Variants in GABBR2 observed in about 807,000 individuals in gnomAD.
GABBR2 encodes G-protein coupled receptor 51.
GABBR2 carries 23 observed loss-of-function variants against 105.6 expected under a neutral mutation model. The ratio of observed to expected loss-of-function variants is 0.22; its 90% CI spans 0.16 to 0.31. GABBR2 has a LOEUF of 0.31. Ranked by LOEUF, GABBR2 falls within the 10% of genes least tolerant of loss-of-function variation. The probability of loss-of-function intolerance (pLI) is 1.00; values close to 1 mark genes in which losing one functional copy is unlikely to be tolerated. For synonymous variants in GABBR2, 478 were observed against 499.7 expected (o/e 0.96, Z 0.58); for missense variants, 734 against 1,245.5 (o/e 0.59, Z 6.18).
chr9:98,410,099 A>G (rs973688446), intron 7 of GABBR2, among the ~76,000 whole-genome samples: 1 of 150,500 alleles, frequency 6.6e-6, no homozygotes, highest in African/African-American at 2.5e-5. Context: ...TTCAATTCCT[A>G]ACACCCCAGC....
At chr9:98,394,291 G>A in intron 8 of GABBR2, 36 bp from the exon 9 acceptor site, 1 of 1,492,146 alleles carries the variant, frequency 6.7e-7, no homozygotes, top group Non-Finnish European at 9.4e-7. Context: ...AGTTAGACTG[G>A]GATCTGGGTT....
At chr9:98,586,318 TAGAC>T (rs1409334093) in intron 1 of GABBR2, among the ~76,000 whole-genome samples, 3 of 150,796 alleles carry the variant, frequency 2.0e-5, no homozygotes, top group Non-Finnish European at 3.0e-5. Context: ...TTTGTTTTTT[TAGAC>T]AGACTCTCAG....
chr9:98,653,863 T>C (rs59218784), intron 1 of GABBR2, among the ~76,000 whole-genome samples: 2,161 of 152,288 alleles, frequency 0.014, 65 homozygotes, highest in African/African-American at 0.048. Context: ...AGTGGATGCA[T>C]GTAGTATGCC....
chr9:98,526,338 CA>C (rs1230287480), intron 3 of GABBR2, among the ~76,000 whole-genome samples: 1 of 152,172 alleles, frequency 6.6e-6, no homozygotes, highest in Non-Finnish European at 1.5e-5. Flanking sequence ...GCCTTCCTGA[CA>C]TTGCTCCAGC....
intron 3 of GABBR2, among the ~76,000 whole-genome samples, chr9:98,522,415 C>A (rs1282114960): frequency 6.6e-6 from 1 of 152,084 alleles, no homozygotes; most frequent in African/African-American, 2.4e-5. Context: ...AAACAAAAAT[C>A]AGCTATGTGC....
In GABBR2 at chr9:98,434,999, G is replaced by T. The variant is rs78487424; in HGVS notation, c.1236+18982C>A. Among the ~76,000 whole-genome samples the T allele has an allele frequency of 6.8e-4, 103 of 152,210 alleles. No individual in the cohort carries two copies. In the East Asian group the frequency reaches 0.016, roughly 24 times the overall value. On this transcript the variant is annotated intron_variant, in intron 7 of 18. Coordinates refer to ENST00000259455, the MANE Select transcript of GABBR2 (RefSeq NM_005458.8). ...TCATGTGTAGACCTAGGCTGGAGTG[G>T]GTTCTGCCCATTGGTATCATGTTTG...
intron 3 of GABBR2, among the ~76,000 whole-genome samples, chr9:98,536,745 C>T (rs980994175): frequency 1.3e-5 from 2 of 152,160 alleles, no homozygotes; most frequent in Non-Finnish European, 2.9e-5. Context: ...CCCTCCAGTT[C>T]CTTACCGCAG....
chr9:98,502,750 C>T (rs1008846735), intron 3 of GABBR2, among the ~76,000 whole-genome samples: 1 of 152,214 alleles, frequency 6.6e-6, no homozygotes, highest in Non-Finnish European at 1.5e-5. Context: ...TCTCTGACCT[C>T]AGGCTCTCAA....
chr9:98,622,380 G>A (rs1395458597), intron 1 of GABBR2, among the ~76,000 whole-genome samples: 1 of 152,094 alleles, frequency 6.6e-6, no homozygotes, highest in African/African-American at 2.4e-5. Flanking sequence ...TGCCCAGGCT[G>A]GTCTTGAACT....
chr9:98,606,950 C>A (rs1829432461), intron 1 of GABBR2: 1 of 722,550 alleles, frequency 1.4e-6, no homozygotes, highest in Non-Finnish European at 2.5e-6. Flanking sequence ...CCTGCTTGCC[C>A]GCGGCTCCGC....
intron 3 of GABBR2, among the ~76,000 whole-genome samples, chr9:98,499,651 T>C (rs555215598): frequency 4.6e-5 from 7 of 152,272 alleles, no homozygotes; most frequent in Non-Finnish European, 8.8e-5. Context: ...ACAATTTACA[T>C]GCTCCTTAAG....
rs1372571774 is a variant in GABBR2 at position 98,651,115 on chromosome 9, C to CCACA, written c.321+57298_321+57301dup. ...TTTTATCAAGATTATACACACACAC[C>CCACA]CACACACACACATACACACACTGGT... On this transcript the variant is annotated intron_variant, in intron 1 of 18. Transcript: ENST00000259455. Among the ~76,000 whole-genome samples the CCACA allele has an allele frequency of 2.0e-5, 3 of 149,628 alleles. No homozygotes were observed. The Admixed American group carries it at 2.0e-4, about 10-fold the overall frequency.
chr9:98,427,679 C>A (rs540167330), intron 7 of GABBR2, among the ~76,000 whole-genome samples: 4 of 151,908 alleles, frequency 2.6e-5, no homozygotes, highest in Non-Finnish European at 5.9e-5. Context: ...AAAAAGATGC[C>A]GCAGCCTCAG....
intron 16 of GABBR2, among the ~76,000 whole-genome samples, chr9:98,302,182 G>C (rs545880642): frequency 2.2e-4 from 34 of 152,298 alleles, no homozygotes; most frequent in African/African-American, 7.9e-4. Flanking sequence ...ACGTTTCCCA[G>C]CCTCTCCTCT....
intron 6 of GABBR2, among the ~76,000 whole-genome samples, chr9:98,471,040 A>C (rs1826662523): frequency 6.6e-6 from 1 of 152,132 alleles, no homozygotes; most frequent in South Asian, 2.1e-4. Context: ...GGCAGAATTA[A>C]AGGAGAGAAT....
At chr9:98,359,336 G>A (rs1345364122) in intron 13 of GABBR2, among the ~76,000 whole-genome samples, 1 of 152,140 alleles carries the variant, frequency 6.6e-6, no homozygotes, top group Non-Finnish European at 1.5e-5. Context: ...GCTGAGGCAT[G>A]AGAATCACTT....
intron 1 of GABBR2, among the ~76,000 whole-genome samples, chr9:98,634,300 T>C (rs182877918): frequency 1.3e-5 from 2 of 152,330 alleles, no homozygotes; most frequent in Admixed American, 1.3e-4. Context: ...ATTCTATTTG[T>C]AATGGATTGC....
At chr9:98,676,384 G>A (rs1366587124) in intron 1 of GABBR2, among the ~76,000 whole-genome samples, 4 of 152,214 alleles carry the variant, frequency 2.6e-5, no homozygotes, top group Non-Finnish European at 5.9e-5. Context: ...GTAGTTTTAA[G>A]CTATAAGTTT....
chr9:98,533,034 A>T (rs1828098995), intron 3 of GABBR2, among the ~76,000 whole-genome samples: 1 of 152,094 alleles, frequency 6.6e-6, no homozygotes, highest in South Asian at 2.1e-4. Context: ...ACCAACAAAC[A>T]ATGTCACATC....
Sources: gnomAD v4.1 joint callset for allele counts (sites outside exome capture counted in the v4.1 genomes callset) on GRCh38, gnomAD v4.1.1 for gene constraint, MANE v1.5 for transcripts, NCBI Gene and HGNC (gene_info 2026-07-23, HGNC 2026-07-21) for gene names.